Variants in PRKAA2 observed in about 807,000 individuals in gnomAD.
The protein encoded by PRKAA2 is protein kinase AMP-activated catalytic subunit alpha 2, also known as 5'-AMP-activated protein kinase catalytic subunit alpha-2.
In PRKAA2, 40 loss-of-function variants were observed where a neutral mutation model predicts 56.3. That is an observed-to-expected ratio of 0.71 (90% confidence interval 0.55 to 0.92). The LOEUF is 0.92. Among genes scored for constraint, PRKAA2 ranks in the 40% least tolerant of loss-of-function variants. The pLI is 0.00. For synonymous variants in PRKAA2, 214 were observed against 234.2 expected (o/e 0.91, Z 0.79); for missense variants, 542 against 686.9 (o/e 0.79, Z 2.36).
chr1:56,661,809 T>G (rs1343530312), intron 1 of PRKAA2, among the ~76,000 whole-genome samples: 3 of 152,100 alleles, frequency 2.0e-5, no homozygotes, highest in African/African-American at 7.2e-5. Context: ...CCATATTTAT[T>G]GTTATTTAAG....
At chr1:56,661,491 T>C (rs1643994077) in intron 1 of PRKAA2, among the ~76,000 whole-genome samples, 1 of 152,184 alleles carries the variant, frequency 6.6e-6, no homozygotes, top group Non-Finnish European at 1.5e-5. Context: ...GATCTATCCA[T>C]GTCATTGCAT....
Position 56,645,431 on chromosome 1 carries a change from A to G in PRKAA2, c.44A>G (p.His15Arg). ...CACGACGGGCGGGTGAAGATCGGAC[A>G]CTACGTGCTGGGCGACACGCTGGGC... ...QKHDGRVKIG[H>R]YVLGDTLGVG... The change falls in exon 1 of 9, where the codon CAC (histidine) becomes CGC (arginine). Residue 15 changes from histidine to arginine, a missense_variant. Transcript: ENST00000371244. The G allele has an allele frequency of 6.6e-7, 1 of 1,516,664 alleles. No individual in the cohort carries two copies. The allele number at this position is 1,516,664 out of a possible 1,614,324, so 94.0% of individuals were successfully genotyped here. A position where few individuals can be genotyped will look rare whatever the true frequency, so the allele number is the denominator to read the frequency against.
chr1:56,689,957 G>C (rs1377328817), intron 2 of PRKAA2, among the ~76,000 whole-genome samples: 1 of 150,600 alleles, frequency 6.6e-6, no homozygotes, highest in African/African-American at 2.4e-5. Context: ...TTCATGATGG[G>C]AATTGTTTAA....
chr1:56,661,130 A>G lies in PRKAA2; in HGVS notation c.95-13251A>G, dbSNP rs142863440. 1.4e-3 allele frequency among the ~76,000 whole-genome samples: 216 copies of G among 152,266 alleles called. 2 individuals are homozygous for G. The East Asian group carries it at 0.033, about 23-fold the overall frequency. On this transcript the variant is annotated intron_variant, in intron 1 of 8. Coordinates refer to ENST00000371244, the MANE Select transcript of PRKAA2 (RefSeq NM_006252.4). The stretch of plus-strand genomic sequence containing the variant: ...GTTGCTGACCACCCCATGAGGCCCA[A>G]CTGGCTGATACATGTGTGATCTCTT...
intron 6 of PRKAA2, among the ~76,000 whole-genome samples, chr1:56,698,109 G>T (rs1349939468): frequency 1.4e-5 from 2 of 140,452 alleles, no homozygotes; most frequent in South Asian, 4.3e-4. Context: ...AAGAGATGGG[G>T]TCTTGCTATG....
In PRKAA2 at chr1:56,673,498, A is replaced by G. The variant is rs1644092116; in HGVS notation, c.95-883A>G. 2.0e-5 allele frequency among the ~76,000 whole-genome samples: 3 copies of G among 152,180 alleles called. No homozygotes were observed. In the South Asian group the frequency reaches 6.2e-4, roughly 31 times the overall value. ...TAGATGTTTTGAGGAGAGTAGTGAA[A>G]GATTAGAATAGAATTGAGGAAAATG... On this transcript the variant is annotated intron_variant, in intron 1 of 8. Transcript: ENST00000371244.
chr1:56,698,000 T>C (rs1644270026), intron 6 of PRKAA2, among the ~76,000 whole-genome samples: 1 of 151,624 alleles, frequency 6.6e-6, no homozygotes, highest in South Asian at 2.1e-4. Flanking sequence ...AGTTTTCATC[T>C]TTTTAAATTT....
rs756596970 is a variant in PRKAA2 at position 56,704,410 on chromosome 1, AG to A, written c.1229del (p.Ser410ThrfsTer14). On this transcript the variant is annotated frameshift_variant, in exon 7 of 9. Transcript: ENST00000371244. LOFTEE classifies it high-confidence loss of function. ...GTGGCATCTTGGAATCCGAAGTCAG[AG>A]CAAACCGTATGACATTATGGCTGAA... The part of the protein sequence containing the change: ...AKWHLGIRSQ[S>X]KPYDIMAEVY... The A allele has an allele frequency of 1.2e-6, 2 of 1,614,024 alleles. No homozygotes were observed. The highest frequency in any genetic ancestry group is 2.2e-5 in the South Asian group (2 of 91,062).
At chr1:56,695,164 C>CTA (rs1177602977) in intron 5 of PRKAA2, among the ~76,000 whole-genome samples, 1 of 137,538 alleles carries the variant, frequency 7.3e-6, no homozygotes, top group African/African-American at 3.0e-5. Flanking sequence ...ATATCTCTCT[C>CTA]TCTATATATA....
At position 56,665,057 on chromosome 1, in the gene PRKAA2, C is replaced by T. The variant is rs192912858; in HGVS notation, c.95-9324C>T. The stretch of plus-strand genomic sequence containing the variant: ...GTCTGGTCTTTCCTGCCTTGGATAT[C>T]CGCTCTAGCTAGTTCCTATCTTTTT... On this transcript the variant is annotated intron_variant, in intron 1 of 8. Coordinates refer to ENST00000371244, the MANE Select transcript of PRKAA2 (RefSeq NM_006252.4). 5.9e-3 allele frequency among the ~76,000 whole-genome samples: 892 copies of T among 151,478 alleles called. 5 individuals carry two copies. The highest frequency in any genetic ancestry group is 0.021 in the African/African-American group (851 of 41,296).
chr1:56,670,440 T>G (rs1644066867), intron 1 of PRKAA2, among the ~76,000 whole-genome samples: 1 of 152,168 alleles, frequency 6.6e-6, no homozygotes, highest in Non-Finnish European at 1.5e-5. Flanking sequence ...CTTTGATAAT[T>G]CTAGGCTTCA....
intron 2 of PRKAA2, among the ~76,000 whole-genome samples, chr1:56,682,903 T>C (rs1319882443): frequency 6.6e-6 from 1 of 152,130 alleles, no homozygotes; most frequent in Non-Finnish European, 1.5e-5. Context: ...TGCATATGTT[T>C]AGTGACCACT....
At chr1:56,679,515 A>C (rs1230184579) in intron 2 of PRKAA2, among the ~76,000 whole-genome samples, 1 of 152,154 alleles carries the variant, frequency 6.6e-6, no homozygotes, top group African/African-American at 2.4e-5. Context: ...CTTGGGCAAA[A>C]TCTTTAATTT....
At chr1:56,673,749 T>A (rs1054605026) in intron 1 of PRKAA2, among the ~76,000 whole-genome samples, 85 of 152,166 alleles carry the variant, frequency 5.6e-4, no homozygotes, top group Non-Finnish European at 7.3e-5. Context: ...CCAAGGAGAG[T>A]ATGAGCTAAT....
intron 5 of PRKAA2, among the ~76,000 whole-genome samples, chr1:56,695,390 C>T (rs1170860145): frequency 6.6e-6 from 1 of 151,652 alleles, no homozygotes; most frequent in Non-Finnish European, 1.5e-5. Context: ...AGCGTTTCAC[C>T]ATGTTGCCCA....
At position 56,707,485 on chromosome 1, in the gene PRKAA2, G is replaced by A. The variant is rs759465978; in HGVS notation, c.1431G>A (p.Val477=). The A allele has an allele frequency of 6.2e-7, 1 of 1,614,006 alleles. No individual in the cohort carries two copies. Among genetic ancestry groups the A allele is most frequent in the Non-Finnish European group, 8.5e-7 (1 of 1,179,928 alleles). Residue 477 remains valine, a synonymous_variant, in exon 9 of 9, where the codon GTG becomes GTA. Coordinates refer to ENST00000371244, the MANE Select transcript of PRKAA2 (RefSeq NM_006252.4). ...LDFKSIDDEV[V]EQRSGSSTPQ... is the part of the protein sequence containing the mutation. The stretch of plus-strand genomic sequence containing the variant: ...TTTGGTCCATTTCAGATGAAGTAGT[G>A]GAGCAGAGATCTGGTTCCTCAACAC...
intron 6 of PRKAA2, among the ~76,000 whole-genome samples, chr1:56,701,368 C>T (rs1410234882): frequency 6.6e-6 from 1 of 151,674 alleles, no homozygotes; most frequent in East Asian, 1.9e-4. Context: ...GCACTCCAGC[C>T]TGGGTGACAG....
At chr1:56,690,404 T>C (rs1056241186) in intron 2 of PRKAA2, among the ~76,000 whole-genome samples, 2 of 152,112 alleles carry the variant, frequency 1.3e-5, no homozygotes, top group African/African-American at 4.8e-5. Flanking sequence ...CTCCTGACCT[T>C]GTGATCTGTC....
chr1:56,677,831 T>C (rs1451361617), intron 2 of PRKAA2, among the ~76,000 whole-genome samples: 2 of 152,076 alleles, frequency 1.3e-5, no homozygotes, highest in East Asian at 3.9e-4. Context: ...TAATTTTGTA[T>C]TTTTTGTAGA....
Sources: allele counts gnomAD v4.1 joint callset (sites outside exome capture counted in the v4.1 genomes callset), GRCh38; gene constraint gnomAD v4.1.1; transcripts MANE v1.5; gene names NCBI Gene and HGNC (gene_info 2026-07-23, HGNC 2026-07-21).